The following DAPK1 variants were observed in gnomAD, a reference collection of about 807,000 sequenced individuals.
DAPK1 encodes the protein death-associated protein kinase 1.
Under a neutral mutation model 144.9 loss-of-function variants are expected in DAPK1, and 56 were observed. The observed-to-expected ratio is 0.39, with a 90% CI of 0.31 to 0.48. The LOEUF is 0.48. DAPK1 is among the 20% of genes least tolerant of loss of function. DAPK1 has a pLI of 0.95. For missense variants in DAPK1, 1,454 were observed against 1,875.4 expected, an observed-to-expected ratio of 0.78 and a Z score of 4.15; for synonymous variants, 690 against 749.0, an observed-to-expected ratio of 0.92 and a Z score of 1.29.
chr9:87,571,082 A>G (rs1827313030), intron 2 of DAPK1, among the ~76,000 whole-genome samples: 1 of 152,172 alleles, frequency 6.6e-6, no homozygotes, highest in Admixed American at 6.5e-5. Context: ...CATTAAAGAA[A>G]ATGTGGATGC....
At position 87,513,434 on chromosome 9, in the gene DAPK1, G is replaced by A. The variant is rs138504158; in HGVS notation, c.62+14295G>A. 1.3e-3 allele frequency among the ~76,000 whole-genome samples: 202 copies of A among 152,286 alleles called. 2 individuals are homozygous for A. The highest frequency in any genetic ancestry group is 4.6e-3 in the African/African-American group (192 of 41,560). Reference sequence around the variant, plus strand: ...TTCCTTCATTCAGATTCTTGTGGACGACGTAAAAATGTAAGCAGGTGGGTG... The same window carrying A: ...TTCCTTCATTCAGATTCTTGTGGACAACGTAAAAATGTAAGCAGGTGGGTG... On this transcript the variant is annotated intron_variant, in intron 2 of 25. Transcript: ENST00000408954.
intron 3 of DAPK1, among the ~76,000 whole-genome samples, chr9:87,614,145 G>A (rs1416671338): frequency 1.3e-5 from 2 of 152,146 alleles, no homozygotes; most frequent in African/African-American, 4.8e-5. Flanking sequence ...TGCCAGTTCA[G>A]TTGAAAAGTG....
chr9:87,706,247 A>G lies in DAPK1; in HGVS notation c.3176A>G (p.His1059Arg). Residue 1059 changes from histidine to arginine, a missense_variant, in exon 26 of 26, where the codon CAC becomes CGC. By Grantham distance (29) the His-to-Arg change is conservative (BLOSUM62 0). Coordinates refer to ENST00000408954, the MANE Select transcript of DAPK1 (RefSeq NM_004938.4). This position sits in a 1 kb window ranked among gnomAD's most constrained non-coding sequence, Gnocchi z 9.0. ...LSVETPRALH[H>R]YRGRYTVEDI... is the part of the protein sequence containing the mutation. ...GTGGAGACCCCACGGGCGCTGCACCACTACCGGGGCCGCTACACCGTGGAG... is the reference window on the plus strand; with the variant it reads ...GTGGAGACCCCACGGGCGCTGCACCGCTACCGGGGCCGCTACACCGTGGAG... 1 of 1,613,852 alleles carries G rather than the reference A, an allele frequency of 6.2e-7. No individual in the cohort carries two copies. Among genetic ancestry groups the G allele is most frequent in the Non-Finnish European group, 8.5e-7 (1 of 1,179,776 alleles).
intron 3 of DAPK1, chr9:87,632,554 A>T: frequency 2.1e-6 from 2 of 969,494 alleles, no homozygotes; most frequent in Non-Finnish European, 2.5e-6. Flanking sequence ...ACATGTAGGG[A>T]TGAAGGAGGA....
intron 2 of DAPK1, among the ~76,000 whole-genome samples, chr9:87,548,176 A>C (rs1826331479): frequency 6.6e-6 from 1 of 152,214 alleles, no homozygotes; most frequent in South Asian, 2.1e-4. Flanking sequence ...TTCACTCTCC[A>C]GCTTGGTGGC....
chr9:87,655,235 C>A (rs1375306509), intron 17 of DAPK1, among the ~76,000 whole-genome samples: 1 of 152,216 alleles, frequency 6.6e-6, no homozygotes, highest in Non-Finnish European at 1.5e-5. Context: ...CACACAAGCT[C>A]TGCATCTCTG....
intron 23 of DAPK1, among the ~76,000 whole-genome samples, chr9:87,699,247 C>T (rs1474470826): frequency 6.6e-6 from 1 of 152,162 alleles, no homozygotes; most frequent in South Asian, 2.1e-4. Flanking sequence ...AAAGCAACCC[C>T]CTTCTTTCTA....
At chr9:87,504,223 A>G (rs563369052) in intron 2 of DAPK1, among the ~76,000 whole-genome samples, 157 of 152,338 alleles carry the variant, frequency 1.0e-3, no homozygotes, top group African/African-American at 3.6e-3. Context: ...CTGATAGGAA[A>G]GGGTCCAAAG....
intron 18 of DAPK1, among the ~76,000 whole-genome samples, chr9:87,662,543 G>T (rs1397647892): frequency 4.5e-5 from 4 of 89,276 alleles, no homozygotes; most frequent in Non-Finnish European, 8.6e-5. Context: ...TCACCTCCTT[G>T]GTTAAATATA....
At position 87,706,970 on chromosome 9, in the gene DAPK1, TC is replaced by T; in HGVS notation, c.3901del (p.His1301MetfsTer5). ...VYSQASLGMD[I>X]HASDLNLLTR... The stretch of plus-strand genomic sequence containing the variant: ...TCACAGGCCAGCCTCGGCATGGACA[TC>T]CATGCATCAGACCTGAACCTCCTCA... On this transcript the variant is annotated frameshift_variant, in exon 26 of 26. Transcript: ENST00000408954. LOFTEE classifies it high-confidence loss of function. The surrounding 1 kb of genome is among the most constrained non-coding windows in gnomAD (Gnocchi z 9.0). 1.2e-6 allele frequency: 2 copies of T among 1,613,434 alleles called. No individual in the cohort carries two copies. The highest frequency in any genetic ancestry group is 1.7e-6 in the Non-Finnish European group (2 of 1,179,786).
At chr9:87,591,454 A>G (rs1828129598) in intron 2 of DAPK1, among the ~76,000 whole-genome samples, 1 of 152,242 alleles carries the variant, frequency 6.6e-6, no homozygotes, top group South Asian at 2.1e-4. Context: ...AAACAATTTA[A>G]ACAGATAGGT....
chr9:87,699,493 GTAT>G (rs1178876385), intron 23 of DAPK1, among the ~76,000 whole-genome samples: 1 of 152,178 alleles, frequency 6.6e-6, no homozygotes, highest in African/African-American at 2.4e-5. Flanking sequence ...CAGATGTCAA[GTAT>G]TATTTTGTAA....
chr9:87,555,898 A>G (rs1033667831), intron 2 of DAPK1, among the ~76,000 whole-genome samples: 4 of 152,246 alleles, frequency 2.6e-5, no homozygotes, highest in African/African-American at 9.6e-5. Flanking sequence ...CGAGTTCCAT[A>G]TCAATATGAT....
intron 2 of DAPK1, among the ~76,000 whole-genome samples, chr9:87,592,650 C>T (rs1828179080): frequency 6.6e-6 from 1 of 152,146 alleles, no homozygotes; most frequent in African/African-American, 2.4e-5. Context: ...ACAGTCTTGC[C>T]CTGGCTCTCA....
intron 2 of DAPK1, among the ~76,000 whole-genome samples, chr9:87,565,683 C>G (rs1047516560): frequency 6.6e-6 from 1 of 152,202 alleles, no homozygotes; most frequent in African/African-American, 2.4e-5. Context: ...GGCTTGAACC[C>G]AGACCTACCA....
intron 2 of DAPK1, among the ~76,000 whole-genome samples, chr9:87,604,166 C>T (rs1828627337): frequency 6.6e-6 from 1 of 151,928 alleles, no homozygotes; most frequent in Non-Finnish European, 1.5e-5. Flanking sequence ...TTGGCAGCGG[C>T]TTTGAGGGGG....
chr9:87,666,939 C>G (rs1029489064), intron 18 of DAPK1, among the ~76,000 whole-genome samples: 1 of 152,186 alleles, frequency 6.6e-6, no homozygotes, highest in Non-Finnish European at 1.5e-5. Context: ...TCAGTCAAGG[C>G]TCAGATTTCT....
intron 20 of DAPK1, among the ~76,000 whole-genome samples, chr9:87,684,138 A>G (rs1824744849): frequency 6.6e-6 from 1 of 152,268 alleles, no homozygotes; most frequent in African/African-American, 2.4e-5. Flanking sequence ...AGCAGGGCAC[A>G]AGCACAGGGC....
At chr9:87,568,994 A>C (rs1223122772) in intron 2 of DAPK1, among the ~76,000 whole-genome samples, 1 of 152,146 alleles carries the variant, frequency 6.6e-6, no homozygotes, top group Non-Finnish European at 1.5e-5. Context: ...AAAATACTGG[A>C]GGTGTGGGGC....
Sources: gnomAD v4.1 joint callset for allele counts (sites outside exome capture counted in the v4.1 genomes callset) on GRCh38, gnomAD v4.1.1 for gene constraint, Gnocchi (gnomAD v3.1) non-coding constraint, MANE v1.5 for transcripts, NCBI Gene and HGNC (gene_info 2026-07-23, HGNC 2026-07-21) for gene names.